MAF: variants seen among roughly 807,000 people sequenced by gnomAD.
MAF encodes the protein transcription factor Maf.
MAF carries 10 observed loss-of-function variants against 22.0 expected under a neutral mutation model. The ratio of observed to expected loss-of-function variants is 0.45; its 90% CI spans 0.28 to 0.77. The LOEUF is 0.77. MAF is among the 30% of genes least tolerant of loss of function. The probability of loss-of-function intolerance (pLI) is 0.12; values close to 1 mark genes in which losing one functional copy is unlikely to be tolerated. For synonymous variants in MAF, 337 were observed against 255.8 expected, an observed-to-expected ratio of 1.32 and a Z score of -3.03; for missense variants, 544 against 548.4, an observed-to-expected ratio of 0.99 and a Z score of 0.08.
the MAF span, among the ~76,000 whole-genome samples, chr16:79,560,368 T>G: frequency 6.6e-6 from 1 of 151,892 alleles, no homozygotes; most frequent in African/African-American, 2.4e-5. Flanking sequence ...TCAAATTAAG[T>G]TGAACAAATA....
At chr16:79,473,116 G>A in the MAF span, among the ~76,000 whole-genome samples, 2 of 152,072 alleles carry the variant, frequency 1.3e-5, no homozygotes, top group Non-Finnish European at 2.9e-5. Flanking sequence ...TGATGGTGTC[G>A]ATGGCCATCT....
intron 1 of MAF, chr16:79,598,513 G>C (rs918427786): frequency 2.2e-6 from 3 of 1,348,284 alleles, no homozygotes; most frequent in Middle Eastern, 2.9e-4. Flanking sequence ...GGCAATCCAT[G>C]AGCCAGACAC....
At chr16:79,573,844 G>T in the MAF span, among the ~76,000 whole-genome samples, 2 of 152,320 alleles carry the variant, frequency 1.3e-5, no homozygotes, top group East Asian at 3.9e-4. Flanking sequence ...GGGGTCTTTT[G>T]AAAACCTAGA....
the MAF span, among the ~76,000 whole-genome samples, chr16:79,537,867 C>T: frequency 2.6e-5 from 4 of 152,106 alleles, no homozygotes; most frequent in East Asian, 7.7e-4. Context: ...ATATTTCAGG[C>T]CCTGAATTCC....
chr16:79,514,767 T>G, the MAF span, among the ~76,000 whole-genome samples: 20 of 152,326 alleles, frequency 1.3e-4, no homozygotes, highest in Middle Eastern at 3.4e-3. Context: ...CATTGTTTTC[T>G]GGATGCTGGC....
chr16:79,595,975 T>C, intron 1 of MAF: 1 of 1,061,398 alleles, frequency 9.4e-7, no homozygotes, highest in Non-Finnish European at 1.1e-6. Context: ...TTATGTTAAA[T>C]CTTGTCAGGC....
At chr16:79,513,237 G>C in the MAF span, among the ~76,000 whole-genome samples, 7 of 152,372 alleles carry the variant, frequency 4.6e-5, 1 homozygote, top group African/African-American at 4.8e-5. Flanking sequence ...CAGTAGCTTA[G>C]AGGCAGCCTG....
chr16:79,477,593 C>T, the MAF span, among the ~76,000 whole-genome samples: 1 of 152,184 alleles, frequency 6.6e-6, no homozygotes, highest in Non-Finnish European at 1.5e-5. Context: ...CTTAACATTC[C>T]TATAGCTGCT....
At chr16:79,534,948 G>C in the MAF span, among the ~76,000 whole-genome samples, 1 of 152,166 alleles carries the variant, frequency 6.6e-6, no homozygotes, top group Admixed American at 6.5e-5. Context: ...TGTTGGTGAT[G>C]ATGATAACAA....
chr16:79,535,464 G>A, the MAF span, among the ~76,000 whole-genome samples: 1 of 150,668 alleles, frequency 6.6e-6, no homozygotes, highest in Non-Finnish European at 1.5e-5. Flanking sequence ...AGAGGTGTGT[G>A]AAAATATCTT....
chr16:79,212,356 C>G, the MAF span: 1 of 592,716 alleles, frequency 1.7e-6, no homozygotes, highest in South Asian at 2.7e-5. Context: ...CAGTGACACC[C>G]AGAGGGAGTA....
chr16:79,248,928 T>C, the MAF span, among the ~76,000 whole-genome samples: 5 of 152,330 alleles, frequency 3.3e-5, no homozygotes, highest in South Asian at 2.1e-4. Flanking sequence ...ATGCATTGCA[T>C]TGGGTAAGAA....
At chr16:79,323,830 T>C in the MAF span, among the ~76,000 whole-genome samples, 17 of 152,252 alleles carry the variant, frequency 1.1e-4, no homozygotes, top group South Asian at 8.3e-4. Flanking sequence ...TTTAGTTAAG[T>C]AGAAGTGATA....
the MAF span, among the ~76,000 whole-genome samples, chr16:79,294,886 T>G: frequency 6.6e-6 from 1 of 152,198 alleles, no homozygotes; most frequent in South Asian, 2.1e-4. Context: ...ACTGCTCAGC[T>G]GGCATTCCAG....
At chr16:79,405,519 T>A in the MAF span, among the ~76,000 whole-genome samples, 1 of 152,222 alleles carries the variant, frequency 6.6e-6, no homozygotes, top group Non-Finnish European at 1.5e-5. Context: ...AAGTCACTTC[T>A]TCCTCCTTGC....
At chr16:79,578,342 C>T in the MAF span, among the ~76,000 whole-genome samples, 1 of 151,976 alleles carries the variant, frequency 6.6e-6, no homozygotes, top group Non-Finnish European at 1.5e-5. Context: ...TCACACCATG[C>T]TTTCTTCAGT....
the MAF span, among the ~76,000 whole-genome samples, chr16:79,394,991 T>C: frequency 2.6e-5 from 4 of 152,170 alleles, no homozygotes; most frequent in Admixed American, 6.5e-5. Flanking sequence ...GCTTAATACA[T>C]AGTAGATGCT....
chr16:79,522,082 T>C, the MAF span, among the ~76,000 whole-genome samples: 1 of 152,030 alleles, frequency 6.6e-6, no homozygotes, highest in Non-Finnish European at 1.5e-5. Context: ...CTGAGGTGTG[T>C]AGGGGGATAG....
At chr16:79,318,618 G>A in the MAF span, among the ~76,000 whole-genome samples, 15 of 152,252 alleles carry the variant, frequency 9.9e-5, no homozygotes, top group East Asian at 2.1e-3. Flanking sequence ...CACTAGTTCT[G>A]GGAAGGAGTA....
Sources: allele counts gnomAD v4.1 joint callset (sites outside exome capture counted in the v4.1 genomes callset), GRCh38; gene constraint gnomAD v4.1.1; transcripts MANE v1.5; gene names NCBI Gene and HGNC (gene_info 2026-07-23, HGNC 2026-07-21).